Variants in NECAB1 observed in about 807,000 individuals in gnomAD.
NECAB1 encodes N-terminal EF-hand calcium binding protein 1.
Under a neutral mutation model 57.5 loss-of-function variants are expected in NECAB1, and 29 were observed. The ratio of observed to expected loss-of-function variants is 0.50; its 90% CI spans 0.38 to 0.69. The LOEUF is 0.69. Ranked by LOEUF, NECAB1 falls within the 30% of genes least tolerant of loss-of-function variation. NECAB1 has a pLI of 0.00. For missense variants in NECAB1, 372 were observed against 413.8 expected, an observed-to-expected ratio of 0.90 and a Z score of 0.88; for synonymous variants, 142 against 147.7, an observed-to-expected ratio of 0.96 and a Z score of 0.28.
At chr8:90,839,650 A>G (rs1407369106) in intron 3 of NECAB1, among the ~76,000 whole-genome samples, 1 of 152,192 alleles carries the variant, frequency 6.6e-6, no homozygotes, top group Non-Finnish European at 1.5e-5. Context: ...TTTCAGCCAG[A>G]GAGAATAGCA....
chr8:90,849,483 C>CTTTT (rs5893138), intron 3 of NECAB1, among the ~76,000 whole-genome samples: 1 of 113,424 alleles, frequency 8.8e-6, no homozygotes, highest in Non-Finnish European at 1.7e-5. Flanking sequence ...AAGAAAAATG[C>CTTTT]TTTTTTTTTT....
At chr8:90,851,235 G>A (rs1158464098) in intron 3 of NECAB1, among the ~76,000 whole-genome samples, 1 of 152,200 alleles carries the variant, frequency 6.6e-6, no homozygotes, top group African/African-American at 2.4e-5. Context: ...TTCCTGGGTT[G>A]TATCCTTTAT....
chr8:90,881,035 T>C lies in NECAB1; in HGVS notation c.262T>C (p.Tyr88His). The change falls in exon 5 of 13, where the codon TAT becomes CAT. Residue 88 changes from tyrosine (Y) to histidine (H), a missense_variant and splice_region_variant. By Grantham distance (83) the Tyr-to-His change is moderately conservative. Coordinates refer to ENST00000417640, the MANE Select transcript of NECAB1 (RefSeq NM_022351.5). ...ATTTCAATATTTTCATTTTTCAGAATATTTTTCTCAGCACTTGGGCGAGTA... is the reference window on the plus strand; with the variant it reads ...ATTTCAATATTTTCATTTTTCAGAACATTTTTCTCAGCACTTGGGCGAGTA... ...NNLDTEELCEYFSQHLGEYEN... is the reference protein window; with the variant it reads ...NNLDTEELCEHFSQHLGEYEN... 6.3e-7 allele frequency: 1 copy of C among 1,585,658 alleles called. No homozygotes were observed. The highest frequency in any genetic ancestry group is 8.6e-7 in the Non-Finnish European group (1 of 1,165,804).
chr8:90,845,273 C>T (rs1812534179), intron 3 of NECAB1, among the ~76,000 whole-genome samples: 1 of 152,206 alleles, frequency 6.6e-6, no homozygotes, highest in Non-Finnish European at 1.5e-5. Flanking sequence ...ATTATCACAT[C>T]CCTCTCCTGT....
intron 5 of NECAB1, among the ~76,000 whole-genome samples, chr8:90,912,574 G>A (rs370372751): frequency 2.0e-5 from 3 of 152,246 alleles, no homozygotes; most frequent in South Asian, 4.1e-4. Flanking sequence ...TTGGGAATCT[G>A]TAGTCTGAAA....
At chr8:90,884,020 G>A (rs1190268654) in intron 5 of NECAB1, among the ~76,000 whole-genome samples, 2 of 152,134 alleles carry the variant, frequency 1.3e-5, no homozygotes, top group Non-Finnish European at 2.9e-5. Context: ...GGCTTAAAAG[G>A]AGATTATCAT....
intron 4 of NECAB1, among the ~76,000 whole-genome samples, chr8:90,878,147 C>A (rs978362625): frequency 3.9e-5 from 6 of 152,190 alleles, no homozygotes; most frequent in Admixed American, 3.9e-4. Context: ...AGCAATTCTC[C>A]TGCCTTATCC....
At chr8:90,913,371 T>C (rs545554699) in intron 5 of NECAB1, among the ~76,000 whole-genome samples, 3 of 98,416 alleles carry the variant, frequency 3.0e-5, no homozygotes, top group Non-Finnish European at 5.1e-5. Flanking sequence ...CTAATAATTA[T>C]CATGACACGA....
chr8:90,814,223 G>A (rs1812020525), intron 2 of NECAB1, among the ~76,000 whole-genome samples: 1 of 152,174 alleles, frequency 6.6e-6, no homozygotes, highest in Non-Finnish European at 1.5e-5. Context: ...TAATTAGACT[G>A]GAATTATGTG....
At chr8:90,841,829 G>T (rs1812461465) in intron 3 of NECAB1, among the ~76,000 whole-genome samples, 2 of 152,194 alleles carry the variant, frequency 1.3e-5, no homozygotes, top group South Asian at 4.1e-4. Context: ...GGCATGAGGA[G>T]GCATCTCAGG....
chr8:90,841,320 A>G (rs1812452171), intron 3 of NECAB1, among the ~76,000 whole-genome samples: 1 of 151,986 alleles, frequency 6.6e-6, no homozygotes, highest in Admixed American at 6.6e-5. Context: ...AAAATAGTGC[A>G]TAGAAGTGAC....
chr8:90,923,373 C>A (rs971758093), intron 6 of NECAB1, among the ~76,000 whole-genome samples: 1 of 121,734 alleles, frequency 8.2e-6, no homozygotes, highest in Admixed American at 8.4e-5. Context: ...TCCCAGAGTA[C>A]TAACAACAGG....
intron 5 of NECAB1, among the ~76,000 whole-genome samples, chr8:90,906,993 A>G (rs1464979999): frequency 6.7e-6 from 1 of 149,238 alleles, no homozygotes; most frequent in East Asian, 2.0e-4. Flanking sequence ...TCAAGCGATC[A>G]TCCCATCTCA....
chr8:90,942,215 T>C (rs1340701739), intron 10 of NECAB1, among the ~76,000 whole-genome samples: 2 of 152,178 alleles, frequency 1.3e-5, no homozygotes, highest in Non-Finnish European at 2.9e-5. Flanking sequence ...CATGAGATGG[T>C]TGGGAGGATT....
At chr8:90,907,534 T>TA (rs1442718400) in intron 5 of NECAB1, among the ~76,000 whole-genome samples, 4 of 152,206 alleles carry the variant, frequency 2.6e-5, no homozygotes, top group Admixed American at 6.5e-5. Context: ...TGAAATGTAA[T>TA]AAAAAATACA....
At chr8:90,880,923 T>C (rs1398875829) in intron 4 of NECAB1, 110 bp from the exon 5 acceptor site, 2 of 729,852 alleles carry the variant, frequency 2.7e-6, no homozygotes, top group South Asian at 1.7e-5. Context: ...TTTTCACTTA[T>C]AGCTGACATT....
At chr8:90,934,222 G>A in intron 8 of NECAB1, 82 bp from the exon 9 acceptor site, 3 of 957,352 alleles carry the variant, frequency 3.1e-6, no homozygotes, top group Non-Finnish European at 4.6e-6. Flanking sequence ...TTAGCCATGA[G>A]AGAACTATGA....
At chr8:90,897,034 C>CTAT (rs1409009387) in intron 5 of NECAB1, among the ~76,000 whole-genome samples, 5 of 151,802 alleles carry the variant, frequency 3.3e-5, no homozygotes, top group African/African-American at 1.2e-4. Flanking sequence ...ATTGTTCCTT[C>CTAT]TATATAGAAG....
chr8:90,917,978 A>G (rs1324172820), intron 6 of NECAB1, among the ~76,000 whole-genome samples: 5 of 133,822 alleles, frequency 3.7e-5, no homozygotes, highest in South Asian at 2.3e-4. Flanking sequence ...GTGTGTGTGT[A>G]TATATATACA....
Sources: gnomAD v4.1 joint callset for allele counts (sites outside exome capture counted in the v4.1 genomes callset) on GRCh38, gnomAD v4.1.1 for gene constraint, MANE v1.5 for transcripts, NCBI Gene and HGNC (gene_info 2026-07-23, HGNC 2026-07-21) for gene names.